The following VANGL2 variants were observed in gnomAD, a reference collection of about 807,000 sequenced individuals.
The protein encoded by VANGL2 is VANGL planar cell polarity protein 2.
Under a neutral mutation model 50.2 loss-of-function variants are expected in VANGL2, and 14 were observed. That is an observed-to-expected ratio of 0.28 (90% CI 0.18 to 0.44). The LOEUF (loss-of-function observed/expected upper bound fraction) is 0.44. Among genes scored for constraint, VANGL2 ranks in the 20% least tolerant of loss-of-function variants. VANGL2 has a pLI of 1.00. For synonymous variants in VANGL2, 295 were observed against 297.2 expected, an observed-to-expected ratio of 0.99 and a Z score of 0.08; for missense variants, 533 against 701.5, an observed-to-expected ratio of 0.76 and a Z score of 2.71.
intron 6 of VANGL2, among the ~76,000 whole-genome samples, chr1:160,422,535 A>G (rs1651308981): frequency 6.7e-6 from 1 of 149,502 alleles, no homozygotes; most frequent in African/African-American, 2.5e-5. Context: ...CTATATACCC[A>G]GAGTCCCATC....
chr1:160,409,235 A>T (rs1650792753), intron 1 of VANGL2, among the ~76,000 whole-genome samples: 1 of 152,244 alleles, frequency 6.6e-6, no homozygotes, highest in Admixed American at 6.5e-5. Flanking sequence ...AGCACTCCTC[A>T]AAGTCAGTGT....
At chr1:160,407,543 C>G (rs1359635190) in intron 1 of VANGL2, among the ~76,000 whole-genome samples, 1 of 152,220 alleles carries the variant, frequency 6.6e-6, no homozygotes, top group Non-Finnish European at 1.5e-5. Context: ...GCTAACTTCC[C>G]CTTCCCAACT....
rs553435295 is a variant in VANGL2 at position 160,426,566 on chromosome 1, T to A, written c.*1188T>A. 2 of 152,736 alleles carry A rather than the reference T, an allele frequency of 1.3e-5. No individual in the cohort carries two copies. The highest frequency in any genetic ancestry group is 4.2e-4 in the South Asian group (2 of 4,816). The allele number at this position is 152,736 out of a possible 1,614,324, so 9.5% of individuals were successfully genotyped here. A position where few individuals can be genotyped will look rare whatever the true frequency, so the allele number is the denominator to read the frequency against. On this transcript the variant is annotated 3_prime_UTR_variant, in exon 8 of 8. Transcript: ENST00000368061. ...TATTGGGTTGAGGGGCAAGGATTAC[T>A]GCCTTTTGTAGGTACTTCACCCCTC...
rs1651031649 is a variant in VANGL2 at position 160,415,776 on chromosome 1, G to A, written c.-62G>A. ...CCGGTGCTGAAGGAGGTGGCTGTGG[G>A]GCCCCCCAAGAGGCCCCAGCCTGCG... On this transcript the variant is annotated 5_prime_UTR_variant, in exon 2 of 8. Transcript: ENST00000368061. The A allele has an allele frequency of 3.2e-6, 5 of 1,577,796 alleles. No homozygotes were observed. In the African/African-American group the frequency reaches 4.0e-5, roughly 13 times the overall value.
At position 160,416,055 on chromosome 1, in the gene VANGL2, G is replaced by C. The variant is rs1651045137; in HGVS notation, c.72-7G>C. 2 of 1,614,224 alleles carry C rather than the reference G, an allele frequency of 1.2e-6. No individual in the cohort carries two copies. Among genetic ancestry groups the C allele is most frequent in the Non-Finnish European group, 8.5e-7 (1 of 1,180,028 alleles). Reference sequence around the variant, plus strand: ...CTTTCTGTGCCTTTTCTGGCTTCCTGCCGCAGGGACCGCCGGGACCGACAC... The same window carrying C: ...CTTTCTGTGCCTTTTCTGGCTTCCTCCCGCAGGGACCGCCGGGACCGACAC... On this transcript the variant is annotated splice_region_variant and splice_polypyrimidine_tract_variant and intron_variant, in intron 2 of 7. Coordinates refer to ENST00000368061, the MANE Select transcript of VANGL2 (RefSeq NM_020335.3).
intron 1 of VANGL2, among the ~76,000 whole-genome samples, chr1:160,402,354 G>A (rs752874553): frequency 6.6e-6 from 1 of 152,140 alleles, no homozygotes; most frequent in Non-Finnish European, 1.5e-5. Context: ...TTGGAAAGCC[G>A]TCTCAGAGTT....
Position 160,403,548 on chromosome 1 carries a change from C to T in VANGL2, c.-191+2679C>T, listed in dbSNP as rs1650555503. 2.0e-5 allele frequency among the ~76,000 whole-genome samples: 3 copies of T among 152,156 alleles called. No homozygotes were observed. In the South Asian group the frequency reaches 6.2e-4, roughly 32 times the overall value. On this transcript the variant is annotated intron_variant, in intron 1 of 7. Coordinates refer to ENST00000368061, the MANE Select transcript of VANGL2 (RefSeq NM_020335.3). ...CCCCTTCCCTGGCCCTAGAGCAGGACAGTTTTTTATCTGCTCATCTGGTTT... is the reference window on the plus strand; with the variant it reads ...CCCCTTCCCTGGCCCTAGAGCAGGATAGTTTTTTATCTGCTCATCTGGTTT...
At chr1:160,417,698 C>T (rs147752695) in intron 3 of VANGL2, among the ~76,000 whole-genome samples, 2 of 152,360 alleles carry the variant, frequency 1.3e-5, no homozygotes, top group African/African-American at 4.8e-5. Context: ...TATTGCCCAG[C>T]CCAGCACTGC....
intron 1 of VANGL2, among the ~76,000 whole-genome samples, chr1:160,409,501 G>T (rs556650344): frequency 6.6e-6 from 1 of 152,298 alleles, no homozygotes; most frequent in East Asian, 1.9e-4. Context: ...TATGGGCATA[G>T]TCAGAGGTTC....
chr1:160,418,910 C>T (rs1651155259), intron 3 of VANGL2, 92 bp from the exon 4 acceptor site: 4 of 1,481,416 alleles, frequency 2.7e-6, no homozygotes, highest in South Asian at 2.7e-5. Context: ...TCTTCTCTGT[C>T]TCCTGTCCCC....
intron 3 of VANGL2, among the ~76,000 whole-genome samples, chr1:160,418,159 G>A (rs1191748496): frequency 6.6e-6 from 1 of 152,210 alleles, no homozygotes; most frequent in Middle Eastern, 3.4e-3. Flanking sequence ...GACCTCAGGC[G>A]ATCTGCCCAC....
chr1:160,420,194 A>G (rs3737798), intron 4 of VANGL2, among the ~76,000 whole-genome samples: 87,306 of 151,886 alleles, frequency 0.57, 26,937 homozygotes, highest in African/African-American at 0.81. Flanking sequence ...TTTCTCTGCT[A>G]GGCTTTGGCA....
At position 160,415,800 on chromosome 1, in the gene VANGL2, C is replaced by T. The variant is rs368693658; in HGVS notation, c.-38C>T. The T allele has an allele frequency of 4.3e-5, 69 of 1,599,486 alleles. No individual in the cohort carries two copies. The highest frequency in any genetic ancestry group is 3.4e-4 in the Middle Eastern group (2 of 5,816). On this transcript the variant is annotated 5_prime_UTR_variant, in exon 2 of 8. Coordinates refer to ENST00000368061, the MANE Select transcript of VANGL2 (RefSeq NM_020335.3). ...GGGCCCCCCAAGAGGCCCCAGCCTG[C>T]GGCCCTGGAGCGCTACAAGGCGCGG...
intron 1 of VANGL2, among the ~76,000 whole-genome samples, chr1:160,411,462 T>G (rs1650877991): frequency 6.6e-6 from 1 of 151,612 alleles, no homozygotes; most frequent in East Asian, 1.9e-4. Context: ...TCCCTGAGAC[T>G]GATTAAATAA....
intron 1 of VANGL2, among the ~76,000 whole-genome samples, chr1:160,413,793 C>T (rs1650966921): frequency 6.6e-6 from 1 of 152,124 alleles, no homozygotes; most frequent in Admixed American, 6.5e-5. Context: ...GATCTGAGTT[C>T]TATCTATCCC....
At chr1:160,413,042 TAGGTACATTCTATGATGTTCCC>T (rs1034225432) in intron 1 of VANGL2, among the ~76,000 whole-genome samples, 5 of 152,322 alleles carry the variant, frequency 3.3e-5, no homozygotes, top group Admixed American at 2.6e-4. Flanking sequence ...AAGGTTTGTG[TAGGTACATTCTATGATGTTCCC>T]AGGATGCAGC....
At chr1:160,411,593 C>A (rs529304765) in intron 1 of VANGL2, among the ~76,000 whole-genome samples, 45 of 152,168 alleles carry the variant, frequency 3.0e-4, no homozygotes, top group Non-Finnish European at 2.9e-5. Flanking sequence ...TCTCAGAAGT[C>A]GGGTTCATTT....
chr1:160,417,872 T>C (rs979262296), intron 3 of VANGL2, among the ~76,000 whole-genome samples: 7 of 151,726 alleles, frequency 4.6e-5, no homozygotes, highest in South Asian at 2.1e-4. Flanking sequence ...GCCAAAATCA[T>C]GGCATGCTGG....
rs891598723 is a variant in VANGL2, at chr1:160,427,863, C to A, written c.*2485C>A. 32 of 152,722 alleles carry A rather than the reference C, an allele frequency of 2.1e-4. 1 individual carries two copies. The highest frequency in any genetic ancestry group is 6.2e-4 in the South Asian group (3 of 4,830). 9.5% of individuals were successfully genotyped at this position (152,722 alleles called of 1,614,324 possible). A position where few individuals can be genotyped will look rare whatever the true frequency, so the allele number is the denominator to read the frequency against. On this transcript the variant is annotated 3_prime_UTR_variant, in exon 8 of 8. Coordinates refer to ENST00000368061, the MANE Select transcript of VANGL2 (RefSeq NM_020335.3). ...GCACTGTCTTTTGTGTGACTCATGG[C>A]ATCCTCGTTCATCCCCACCGTGCCT...
Sources: gnomAD v4.1 joint callset for allele counts (sites outside exome capture counted in the v4.1 genomes callset) on GRCh38, gnomAD v4.1.1 for gene constraint, MANE v1.5 for transcripts, NCBI Gene and HGNC (gene_info 2026-07-23, HGNC 2026-07-21) for gene names.